Variants in RAB40C observed in about 807,000 individuals in gnomAD.
RAB40C encodes ras-related protein Rab-40C.
A neutral mutation model predicts 28.1 loss-of-function variants in RAB40C; 8 were observed. The ratio of observed to expected loss-of-function variants is 0.28; its 90% CI spans 0.17 to 0.51. The LOEUF is 0.51. Among genes scored for constraint, RAB40C ranks in the 20% least tolerant of loss-of-function variants. RAB40C has a pLI of 0.97. For missense variants in RAB40C, 288 were observed against 405.9 expected (o/e 0.71, Z 2.50); for synonymous variants, 201 against 171.7 (o/e 1.17, Z -1.34).
At chr16:601,771 T>C (rs2036253181) in intron 1 of RAB40C, among the ~76,000 whole-genome samples, 1 of 134,560 alleles carries the variant, frequency 7.4e-6, no homozygotes, top group Non-Finnish European at 1.5e-5. Context: ...GGCCGGGGGT[T>C]CAGACTAGGC....
At chr16:591,512 G>A (rs959928115) in intron 1 of RAB40C, among the ~76,000 whole-genome samples, 2 of 152,178 alleles carry the variant, frequency 1.3e-5, no homozygotes, top group African/African-American at 4.8e-5. Context: ...ACTGCTGAGG[G>A]AGTCAACGCT....
rs772371759 is a variant in RAB40C at position 610,593 on chromosome 16, G to C, written c.143-6615G>C. On this transcript the variant is annotated intron_variant, in intron 1 of 5. Coordinates refer to ENST00000248139, the MANE Select transcript of RAB40C (RefSeq NM_021168.5). This position sits in a 1 kb window ranked among gnomAD's most constrained non-coding sequence, Gnocchi z 4.6. Reference sequence around the variant, plus strand: ...CAGCACACCAAGAGAATATGTCACAGCTGATGCCTAGGGACCCCCTTATGG... The same window carrying C: ...CAGCACACCAAGAGAATATGTCACACCTGATGCCTAGGGACCCCCTTATGG... 1.2e-4 allele frequency among the ~76,000 whole-genome samples: 18 copies of C among 152,212 alleles called. No individual in the cohort carries two copies. Among genetic ancestry groups the C allele is most frequent in the Non-Finnish European group, 2.5e-4 (17 of 68,028 alleles).
intron 1 of RAB40C, among the ~76,000 whole-genome samples, chr16:603,129 G>A (rs1186643162): frequency 6.6e-6 from 1 of 152,192 alleles, no homozygotes; most frequent in African/African-American, 2.4e-5. Flanking sequence ...GTTTAGCCAG[G>A]TGTTCTGTGC....
chr16:613,607 C>G (rs1037832212), intron 1 of RAB40C, among the ~76,000 whole-genome samples: 1 of 152,258 alleles, frequency 6.6e-6, no homozygotes, highest in Admixed American at 6.5e-5. Context: ...TGCCTTTTCA[C>G]TGCTTCTTGG....
intron 1 of RAB40C, chr16:616,938 C>A: frequency 2.1e-6 from 1 of 469,024 alleles, no homozygotes; most frequent in Non-Finnish European, 3.9e-6. Context: ...GCCTGCTAGG[C>A]TGTGGGGCCC....
intron 3 of RAB40C, among the ~76,000 whole-genome samples, chr16:619,857 G>T (rs72767885): frequency 0.17 from 26,257 of 152,264 alleles, 2,478 homozygotes; most frequent in South Asian, 0.26. Context: ...AAGTGTAGTC[G>T]GTGTTGGATC....
intron 1 of RAB40C, among the ~76,000 whole-genome samples, chr16:606,180 C>T (rs1048966195): frequency 9.4e-5 from 12 of 127,704 alleles, no homozygotes; most frequent in African/African-American, 1.8e-4. Context: ...ACAGTCCTCT[C>T]GGTCCTCAGT....
At chr16:626,242 C>T (rs933981594) in intron 5 of RAB40C, 121 bp downstream of exon 5, 1 of 1,009,178 alleles carries the variant, frequency 9.9e-7, no homozygotes, top group African/African-American at 1.6e-5. Context: ...TGGCAACGCG[C>T]AGTAGGGGCT....
rs915977086 is a variant in RAB40C, at chr16:628,052, A to G, written c.*430A>G. ...GCGGGGACGCACTTGGGACTCCTCG[A>G]GAGGGGACTCGCGGCCGCGATGGCA... On this transcript the variant is annotated 3_prime_UTR_variant, in exon 6 of 6. Coordinates refer to ENST00000248139, the MANE Select transcript of RAB40C (RefSeq NM_021168.5). 1.2e-5 allele frequency: 2 copies of G among 164,900 alleles called. No homozygotes were observed. The highest frequency in any genetic ancestry group is 2.6e-5 in the Non-Finnish European group (2 of 77,012). The allele number at this position is 164,900 out of a possible 1,614,324, so 10.2% of individuals were successfully genotyped here.
intron 5 of RAB40C, 140 bp downstream of exon 5, chr16:626,261 G>C (rs763015): frequency 0.18 from 146,952 of 806,562 alleles, 14,947 homozygotes; most frequent in South Asian, 0.26. Context: ...CTCGGCCGGC[G>C]GCAGGTCAGT....
In RAB40C at chr16:626,104, T is replaced by C. The variant is rs2036825473; in HGVS notation, c.548T>C (p.Ile183Thr). 6.2e-7 allele frequency: 1 copy of C among 1,612,722 alleles called. No homozygotes were observed. ...IVLMRHGMEK[I>T]WRPNRVFSLQ... The stretch of plus-strand genomic sequence containing the variant: ...CTCATGCGGCACGGCATGGAGAAGA[T>C]CTGGAGGCCCAACCGAGGTGGGTGG... The change falls in exon 5 of 6, where the codon ATC becomes ACC. Residue 183 changes from isoleucine (I) to threonine (T), a missense_variant. Around this residue, in one of 3 missense-constraint regions of RAB40C, gnomAD observed 153 missense variants for 262.4 expected, o/e 0.58. Coordinates refer to ENST00000248139, the MANE Select transcript of RAB40C (RefSeq NM_021168.5).
intron 1 of RAB40C, among the ~76,000 whole-genome samples, chr16:611,083 A>G (rs993078629): frequency 1.8e-4 from 27 of 152,200 alleles, no homozygotes; most frequent in African/African-American, 6.5e-4. Context: ...CCGGGTGCGG[A>G]GCCTGCAGGA....
chr16:616,320 C>G (rs7199115), intron 1 of RAB40C, among the ~76,000 whole-genome samples: 1 of 129,676 alleles, frequency 7.7e-6, no homozygotes, highest in South Asian at 2.6e-4. Flanking sequence ...GTCCAGAGTC[C>G]GGAGAAGCAG....
At chr16:593,498 C>T (rs1304032004) in intron 1 of RAB40C, among the ~76,000 whole-genome samples, 2 of 152,234 alleles carry the variant, frequency 1.3e-5, no homozygotes, top group Non-Finnish European at 2.9e-5. Flanking sequence ...GGCAGGGAGG[C>T]CCCTTCTGTG....
intron 1 of RAB40C, 101 bp from the exon 2 acceptor site, chr16:617,107 C>T (rs1259318424): frequency 1.5e-5 from 18 of 1,236,502 alleles, no homozygotes; most frequent in Admixed American, 3.5e-5. Context: ...TCTCCACTTC[C>T]GCGTGGGTCT....
intron 1 of RAB40C, 100 bp downstream of exon 1, chr16:590,533 A>G: frequency 7.4e-7 from 1 of 1,345,166 alleles, no homozygotes; most frequent in Non-Finnish European, 9.6e-7. Context: ...GCGCCGCCGA[A>G]CGTTCCCAGG....
In RAB40C at chr16:610,353, G is replaced by T. The variant is rs984208354; in HGVS notation, c.143-6855G>T. Among the ~76,000 whole-genome samples, 1 of 145,292 alleles carries T rather than the reference G, an allele frequency of 6.9e-6. No homozygotes were observed. Among genetic ancestry groups the T allele is most frequent in the Non-Finnish European group, 1.5e-5 (1 of 65,038 alleles). Reference sequence around the variant, plus strand: ...GCTAGATGAACAAGAGGGTTATTGGGAACAGTAAACCTGAGGTGGTGAGCA... The same window carrying T: ...GCTAGATGAACAAGAGGGTTATTGGTAACAGTAAACCTGAGGTGGTGAGCA... On this transcript the variant is annotated intron_variant, in intron 1 of 5. Coordinates refer to ENST00000248139, the MANE Select transcript of RAB40C (RefSeq NM_021168.5). The surrounding 1 kb of genome is among the most constrained non-coding windows in gnomAD (Gnocchi z 4.6).
chr16:606,818 G>A lies in RAB40C; in HGVS notation c.143-10390G>A, dbSNP rs189814358. ...CATCTGTAGCTCAGCCAGGAAAGGC[G>A]GTTAAGGACTTATGTAGTTAATTGG... is the stretch of plus-strand genomic sequence containing the variant. On this transcript the variant is annotated intron_variant, in intron 1 of 5. Coordinates refer to ENST00000248139, the MANE Select transcript of RAB40C (RefSeq NM_021168.5). 7.2e-5 allele frequency among the ~76,000 whole-genome samples: 11 copies of A among 152,310 alleles called. No individual in the cohort carries two copies. The East Asian group carries it at 1.9e-3, about 27-fold the overall frequency.
At chr16:626,234 GC>G (rs2151082389) in intron 5 of RAB40C, 113 bp downstream of exon 5, 1 of 1,100,600 alleles carries the variant, frequency 9.1e-7, no homozygotes, top group South Asian at 1.4e-5. Context: ...AGGTCCCTTG[GC>G]AACGCGCAGT....
Sources: allele counts gnomAD v4.1 joint callset (sites outside exome capture counted in the v4.1 genomes callset), GRCh38; gene constraint gnomAD v4.1.1; regional missense constraint gnomAD v4.1.1; non-coding constraint Gnocchi (gnomAD v3.1); transcripts MANE v1.5; gene names NCBI Gene and HGNC (gene_info 2026-07-23, HGNC 2026-07-21).